The following WDFY3 variants were observed in gnomAD, a reference collection of about 807,000 sequenced individuals.
WDFY3 encodes WD repeat and FYVE domain-containing protein 3.
WDFY3 carries 66 observed loss-of-function variants against 409.6 expected under a neutral mutation model. That is an observed-to-expected ratio of 0.16 (90% confidence interval 0.13 to 0.20). WDFY3 has a LOEUF of 0.20. WDFY3 is among the 10% of genes least tolerant of loss of function. The pLI is 1.00. For synonymous variants in WDFY3, 1,521 were observed against 1,537.1 expected, an observed-to-expected ratio of 0.99 and a Z score of 0.25; for missense variants, 3,031 against 4,298.1, an observed-to-expected ratio of 0.71 and a Z score of 8.24.
chr4:84,754,121 G>C (rs913885888), intron 34 of WDFY3, among the ~76,000 whole-genome samples: 2 of 152,014 alleles, frequency 1.3e-5, no homozygotes, highest in Admixed American at 6.6e-5. Flanking sequence ...ATTAATCGCA[G>C]GTCTGCTAAC....
intron 32 of WDFY3, among the ~76,000 whole-genome samples, chr4:84,764,988 C>T (rs1743377895): frequency 6.6e-6 from 1 of 152,008 alleles, no homozygotes; most frequent in South Asian, 2.1e-4. Flanking sequence ...ATATTAAATT[C>T]TAATCCCTAT....
chr4:84,729,111 T>C (rs931108054), intron 44 of WDFY3, among the ~76,000 whole-genome samples: 2 of 152,088 alleles, frequency 1.3e-5, no homozygotes, highest in African/African-American at 4.8e-5. Flanking sequence ...CCCAAATTAA[T>C]AGGCAGACAA....
At chr4:84,761,717 A>C (rs993194271) in intron 32 of WDFY3, among the ~76,000 whole-genome samples, 2 of 152,170 alleles carry the variant, frequency 1.3e-5, no homozygotes, top group African/African-American at 4.8e-5. Context: ...TACTCATCTG[A>C]CTAAGGGCTA....
At chr4:84,932,392 G>A (rs886619626) in intron 1 of WDFY3, 29 bp from the exon 2 acceptor site, 1 of 151,996 alleles carries the variant, frequency 6.6e-6, no homozygotes, top group Non-Finnish European at 1.5e-5. Flanking sequence ...AGAAAACTCA[G>A]TTTATGTTCA....
At chr4:84,817,658 T>G in intron 12 of WDFY3, 73 bp from the exon 13 acceptor site, 1 of 1,339,458 alleles carries the variant, frequency 7.5e-7, no homozygotes, top group South Asian at 1.4e-5. Flanking sequence ...GAATTAACAT[T>G]CAGTTATTTT....
chr4:84,820,029 G>T, intron 12 of WDFY3, 56 bp downstream of exon 12: 3 of 1,428,962 alleles, frequency 2.1e-6, no homozygotes, highest in Non-Finnish European at 1.9e-6. Context: ...AATAACCACA[G>T]AAGATGTAAT....
At chr4:84,958,380 T>C (rs1774504837) in intron 1 of WDFY3, among the ~76,000 whole-genome samples, 1 of 152,254 alleles carries the variant, frequency 6.6e-6, no homozygotes, top group African/African-American at 2.4e-5. Context: ...AGCAGTTCTA[T>C]AATTCAACAA....
chr4:84,800,734 C>T (rs1307151777), intron 17 of WDFY3, among the ~76,000 whole-genome samples: 1 of 152,168 alleles, frequency 6.6e-6, no homozygotes, highest in Non-Finnish European at 1.5e-5. Context: ...AACTGTTCCA[C>T]CTCAGATCAT....
intron 17 of WDFY3, among the ~76,000 whole-genome samples, chr4:84,799,179 C>G (rs773627155): frequency 6.6e-6 from 1 of 152,006 alleles, no homozygotes; most frequent in Non-Finnish European, 1.5e-5. Context: ...GTGTGTGAGA[C>G]AGCCTCTTGC....
intron 3 of WDFY3, chr4:84,886,571 C>CAA (rs374830642): frequency 7.3e-5 from 11 of 150,304 alleles, no homozygotes; most frequent in African/African-American, 2.7e-4. Flanking sequence ...TCCTCTGACA[C>CAA]AAAAAAAATT....
intron 46 of WDFY3, 147 bp from the exon 47 acceptor site, chr4:84,721,719 A>G: frequency 1.1e-6 from 1 of 879,868 alleles, no homozygotes; most frequent in Non-Finnish European, 1.7e-6. Context: ...GGTTAAGAAC[A>G]TAGTCCTCTG....
intron 2 of WDFY3, among the ~76,000 whole-genome samples, chr4:84,923,637 A>T (rs1508669): frequency 0.68 from 103,450 of 152,102 alleles, 37,159 homozygotes; most frequent in African/African-American, 0.92. Flanking sequence ...AATAATGTTC[A>T]TATCAATCTC....
chr4:84,924,955 T>C (rs762916646), intron 2 of WDFY3, among the ~76,000 whole-genome samples: 3 of 152,190 alleles, frequency 2.0e-5, no homozygotes, highest in Non-Finnish European at 4.4e-5. Flanking sequence ...TATACTTCCA[T>C]GAAAAACCTC....
intron 51 of WDFY3, among the ~76,000 whole-genome samples, chr4:84,710,723 A>G (rs1182646767): frequency 6.6e-6 from 1 of 152,218 alleles, no homozygotes; most frequent in Non-Finnish European, 1.5e-5. Flanking sequence ...TGAGCTCTTT[A>G]AAGTTCTTTA....
intron 2 of WDFY3, among the ~76,000 whole-genome samples, chr4:84,902,780 C>CT (rs1266884324): frequency 6.6e-6 from 1 of 152,174 alleles, no homozygotes; most frequent in Non-Finnish European, 1.5e-5. Context: ...TACTATGTGA[C>CT]TTATAAGACT....
chr4:84,857,021 T>A (rs561545104), intron 4 of WDFY3, among the ~76,000 whole-genome samples: 10 of 152,314 alleles, frequency 6.6e-5, no homozygotes, highest in Middle Eastern at 6.8e-3. Flanking sequence ...ATAAGAATTA[T>A]TTTTAAAATA....
intron 22 of WDFY3, among the ~76,000 whole-genome samples, chr4:84,788,277 A>G (rs1222008680): frequency 6.6e-6 from 1 of 152,204 alleles, no homozygotes; most frequent in Admixed American, 6.5e-5. Flanking sequence ...ATAACATCTC[A>G]GCTTCAGATC....
intron 12 of WDFY3, among the ~76,000 whole-genome samples, chr4:84,817,876 C>A (rs1212459619): frequency 6.6e-6 from 1 of 152,124 alleles, no homozygotes; most frequent in Non-Finnish European, 1.5e-5. Context: ...CTTAGGCAGA[C>A]CCTAGGAGAC....
intron 3 of WDFY3, among the ~76,000 whole-genome samples, chr4:84,891,707 C>G (rs539149658): frequency 6.6e-6 from 1 of 152,040 alleles, no homozygotes; most frequent in Admixed American, 6.6e-5. Context: ...ATTAGGGAAC[C>G]TGCATTAGAT....
Sources: gnomAD v4.1 joint callset for allele counts (sites outside exome capture counted in the v4.1 genomes callset) on GRCh38, gnomAD v4.1.1 for gene constraint, MANE v1.5 for transcripts, NCBI Gene and HGNC (gene_info 2026-07-23, HGNC 2026-07-21) for gene names.